TET2: variants seen among roughly 807,000 people sequenced by gnomAD.
The protein encoded by TET2 is tet methylcytosine dioxygenase 2.
Under a neutral mutation model 142.9 loss-of-function variants are expected in TET2, and 299 were observed. That is an observed-to-expected ratio of 2.09 (90% CI 1.90 to 2.30). The LOEUF (loss-of-function observed/expected upper bound fraction) is 2.30. TET2 is among the 30% of genes most tolerant of loss of function. The pLI, the probability that TET2 is intolerant of heterozygous loss-of-function variation, is 0.00. For synonymous variants in TET2, 819 were observed against 849.0 expected, an observed-to-expected ratio of 0.96 and a Z score of 0.61; for missense variants, 2,418 against 2,378.0, an observed-to-expected ratio of 1.02 and a Z score of -0.35.
chr4:105,264,269 C>T (rs1730585937), intron 8 of TET2, among the ~76,000 whole-genome samples: 1 of 152,056 alleles, frequency 6.6e-6, no homozygotes, highest in South Asian at 2.1e-4. Flanking sequence ...TAGCTAGTAT[C>T]ACAAAGTATA....
At chr4:105,243,537 G>T (rs1008852578) in intron 5 of TET2, 33 bp from the exon 6 acceptor site, 2 of 1,544,878 alleles carry the variant, frequency 1.3e-6, no homozygotes, top group East Asian at 2.4e-5. Flanking sequence ...GTTGGGGTGG[G>T]GGGTGTTTGG....
intron 1 of TET2, among the ~76,000 whole-genome samples, chr4:105,151,381 T>C (rs1198723684): frequency 2.6e-5 from 4 of 152,136 alleles, no homozygotes; most frequent in Non-Finnish European, 5.9e-5. Flanking sequence ...CTTTGATTTA[T>C]GTTTTCTTCA....
chr4:105,157,879 G>A (rs2110365350), intron 1 of TET2, among the ~76,000 whole-genome samples: 1 of 152,196 alleles, frequency 6.6e-6, no homozygotes, highest in East Asian at 1.9e-4. Context: ...GTTTCGCCAT[G>A]TAGGCTAGGC....
rs765803723 is a variant in TET2, at chr4:105,272,894, G to T, written c.4513G>T (p.Ala1505Ser). The T allele has an allele frequency of 1.9e-6, 3 of 1,542,408 alleles. No homozygotes were observed. Among genetic ancestry groups the T allele is most frequent in the South Asian group, 2.4e-5 (2 of 82,398 alleles). The change falls in exon 10 of 11, where the codon GCA becomes TCA. Residue 1505 changes from alanine (A) to serine (S), a missense_variant. Coordinates refer to ENST00000380013, the MANE Select transcript of TET2 (RefSeq NM_001127208.3). ...APSRTKQTEN[A>S]SQAKQLAELL... ...ATCACGTACAAAACAAACTGAAAACGCAAGCCAGGCTAAACAGTTGGCAGG... is the reference window on the plus strand; with the variant it reads ...ATCACGTACAAAACAAACTGAAAACTCAAGCCAGGCTAAACAGTTGGCAGG...
chr4:105,272,934 A>G lies in TET2; in HGVS notation c.4537+16A>G. 1 of 1,499,050 alleles carries G rather than the reference A, an allele frequency of 6.7e-7. No individual in the cohort carries two copies. Among genetic ancestry groups the G allele is most frequent in the Non-Finnish European group, 8.9e-7 (1 of 1,121,122 alleles). The allele number at this position is 1,499,050 out of a possible 1,614,324, so 92.9% of individuals were successfully genotyped here. ...CAGTTGGCAGGTAAATTTAATGTAA[A>G]GCATTTGTAGATAAATGTGTTGTGT... On this transcript the variant is annotated intron_variant, in intron 10 of 10. Transcript: ENST00000380013.
chr4:105,279,219 A>G lies in TET2; in HGVS notation c.*2700A>G, dbSNP rs1731352249. ...TGGTGATTTTGATCATCCATTCTTAATATTTGATTTCTGTGTCACCTACTG... is the reference window on the plus strand; with the variant it reads ...TGGTGATTTTGATCATCCATTCTTAGTATTTGATTTCTGTGTCACCTACTG... On this transcript the variant is annotated 3_prime_UTR_variant, in exon 11 of 11. Transcript: ENST00000380013. 4.3e-6 allele frequency: 1 copy of G among 232,100 alleles called. No individual in the cohort carries two copies. The allele number at this position is 232,100 out of a possible 1,614,324, so 14.4% of individuals were successfully genotyped here. A position where few individuals can be genotyped will look rare whatever the true frequency, so the allele number is the denominator to read the frequency against.
intron 8 of TET2, among the ~76,000 whole-genome samples, chr4:105,264,873 A>G (rs181545604): frequency 9.2e-5 from 14 of 152,198 alleles, no homozygotes; most frequent in Non-Finnish European, 1.3e-4. Context: ...TCGTATCTCT[A>G]TTTCTCACAT....
chr4:105,214,470 C>CTA (rs1268228502), intron 2 of TET2, among the ~76,000 whole-genome samples: 1 of 130,582 alleles, frequency 7.7e-6, no homozygotes. Flanking sequence ...CCACACCTGG[C>CTA]ATTTTTTTTT....
intron 2 of TET2, among the ~76,000 whole-genome samples, chr4:105,204,990 T>G (rs1726732422): frequency 1.3e-5 from 2 of 152,306 alleles, no homozygotes; most frequent in South Asian, 4.1e-4. Context: ...TTGCTTTGTT[T>G]TCCTAAATTA....
At chr4:105,184,057 C>T (rs1725278650) in intron 1 of TET2, among the ~76,000 whole-genome samples, 1 of 152,084 alleles carries the variant, frequency 6.6e-6, no homozygotes, top group African/African-American at 2.4e-5. Flanking sequence ...TTCATTGGCC[C>T]AGTCTCTGAC....
At chr4:105,186,911 G>A (rs1725489419) in intron 1 of TET2, among the ~76,000 whole-genome samples, 1 of 152,190 alleles carries the variant, frequency 6.6e-6, no homozygotes, top group South Asian at 2.1e-4. Flanking sequence ...TGGCTACTGA[G>A]GAACTATATT....
intron 1 of TET2, among the ~76,000 whole-genome samples, chr4:105,160,920 C>A (rs994223889): frequency 3.3e-5 from 5 of 152,124 alleles, no homozygotes; most frequent in Non-Finnish European, 5.9e-5. Context: ...GGATTACAGG[C>A]ACTCGCCACC....
intron 6 of TET2, among the ~76,000 whole-genome samples, chr4:105,244,888 C>A (rs1175129705): frequency 1.3e-5 from 2 of 152,144 alleles, no homozygotes; most frequent in Non-Finnish European, 2.9e-5. Context: ...CCGCGCCTGG[C>A]CAGAAATCTT....
At chr4:105,174,654 T>C (rs1018743266) in intron 1 of TET2, among the ~76,000 whole-genome samples, 3 of 152,158 alleles carry the variant, frequency 2.0e-5, no homozygotes, top group Admixed American at 2.0e-4. Context: ...TTGTTCAGTG[T>C]GGCAAGTCTG....
chr4:105,171,006 A>C (rs1724434955), intron 1 of TET2, among the ~76,000 whole-genome samples: 1 of 152,212 alleles, frequency 6.6e-6, no homozygotes, highest in African/African-American at 2.4e-5. Context: ...AACATCTGCT[A>C]TCATGATGAG....
At chr4:105,261,233 T>C (rs181957791) in intron 7 of TET2, among the ~76,000 whole-genome samples, 83 of 152,200 alleles carry the variant, frequency 5.5e-4, no homozygotes, top group Non-Finnish European at 7.8e-4. Context: ...CCCTTTCAAG[T>C]AAATTCTGCA....
At chr4:105,214,159 G>T (rs62332760) in intron 2 of TET2, among the ~76,000 whole-genome samples, 41,948 of 151,864 alleles carry the variant, frequency 0.28, 6,535 homozygotes, top group Non-Finnish European at 0.36. Context: ...ATATATATTG[G>T]TTTTTGTCCA....
At chr4:105,274,526 A>G (rs1252130350) in intron 10 of TET2, among the ~76,000 whole-genome samples, 1 of 152,248 alleles carries the variant, frequency 6.6e-6, no homozygotes, top group Non-Finnish European at 1.5e-5. Context: ...CAGGCAATGA[A>G]GAAGTAAGTA....
At chr4:105,205,914 G>A (rs1043855510) in intron 2 of TET2, among the ~76,000 whole-genome samples, 1 of 152,088 alleles carries the variant, frequency 6.6e-6, no homozygotes, top group Non-Finnish European at 1.5e-5. Context: ...GATTACAGGC[G>A]TGAGCCACCA....
Sources: gnomAD v4.1 joint callset for allele counts (sites outside exome capture counted in the v4.1 genomes callset) on GRCh38, gnomAD v4.1.1 for gene constraint, MANE v1.5 for transcripts, NCBI Gene and HGNC (gene_info 2026-07-23, HGNC 2026-07-21) for gene names.